MAP2: variants seen among roughly 807,000 people sequenced by gnomAD.
MAP2 encodes microtubule associated protein 2.
A neutral mutation model predicts 137.6 loss-of-function variants in MAP2; 14 were observed. The ratio of observed to expected loss-of-function variants is 0.10; its 90% CI spans 0.07 to 0.16. The LOEUF is 0.16. Among genes scored for constraint, MAP2 ranks in the 10% least tolerant of loss-of-function variants. The pLI, the probability that MAP2 is intolerant of heterozygous loss-of-function variation, is 1.00. For synonymous variants in MAP2, 786 were observed against 782.3 expected (o/e 1.00, Z -0.08); for missense variants, 2,088 against 2,191.5 (o/e 0.95, Z 0.94).
At chr2:209,480,472 C>T (rs1251536710) in intron 1 of MAP2, among the ~76,000 whole-genome samples, 2 of 152,116 alleles carry the variant, frequency 1.3e-5, no homozygotes, top group African/African-American at 4.8e-5. Context: ...TACAAGCTAG[C>T]ATTACTTTAT....
At chr2:209,685,310 A>G (rs1307843609) in intron 7 of MAP2, among the ~76,000 whole-genome samples, 1 of 152,170 alleles carries the variant, frequency 6.6e-6, no homozygotes, top group Non-Finnish European at 1.5e-5. Flanking sequence ...TATTCCATTT[A>G]TTATTTATTT....
intron 1 of MAP2, among the ~76,000 whole-genome samples, chr2:209,466,210 C>T (rs1270102283): frequency 6.6e-6 from 1 of 152,090 alleles, no homozygotes; most frequent in East Asian, 1.9e-4. Flanking sequence ...CTATTAATGC[C>T]TACATTTGTC....
Position 209,476,179 on chromosome 2 carries a change from A to G in MAP2, c.-221-31413A>G, listed in dbSNP as rs575784428. Among the ~76,000 whole-genome samples the G allele has an allele frequency of 3.3e-5, 5 of 152,208 alleles. No homozygotes were observed. In the South Asian group the frequency reaches 8.3e-4, roughly 25 times the overall value. ...TTTAAGCCAAAGCCTTCTCGAGACC[A>G]TGATTGTGGATCCTAGTTTTGGAAA... On this transcript the variant is annotated intron_variant, in intron 1 of 15. Coordinates refer to ENST00000682079, the MANE Select transcript of MAP2 (RefSeq NM_001375505.1).
chr2:209,439,514 G>A (rs1269195762), intron 1 of MAP2, among the ~76,000 whole-genome samples: 1 of 151,392 alleles, frequency 6.6e-6, no homozygotes, highest in African/African-American at 2.4e-5. Context: ...AAGATCTCTT[G>A]AGTTTTTTGT....
chr2:209,567,677 GA>G (rs575467247), intron 2 of MAP2, among the ~76,000 whole-genome samples: 47 of 149,004 alleles, frequency 3.2e-4, no homozygotes, highest in East Asian at 7.9e-4. Context: ...GTAGCAAAAG[GA>G]AAAAAAAAGC....
At position 209,692,634 on chromosome 2, in the gene MAP2, C is replaced by A; in HGVS notation, c.464C>A (p.Thr155Lys). ...AACCCGATTACTTCAGATTTACTTA[C>A]AGCCTCGAAGATGGAGTTCCACGAT... is the stretch of plus-strand genomic sequence containing the variant. The part of the protein sequence containing the change: ...QTVTVEEDLL[T>K]ASKMEFHDQQ... Residue 155 changes from threonine to lysine, a missense_variant, in exon 8 of 16, where the codon ACA (threonine) becomes AAA (lysine). By Grantham distance (78) the Thr-to-Lys change is moderately conservative (BLOSUM62 -1). Transcript: ENST00000682079. The A allele has an allele frequency of 6.4e-7, 1 of 1,572,110 alleles. No individual in the cohort carries two copies. Among genetic ancestry groups the A allele is most frequent in the Non-Finnish European group, 8.6e-7 (1 of 1,164,808 alleles).
intron 7 of MAP2, among the ~76,000 whole-genome samples, chr2:209,682,307 A>G (rs2054965250): frequency 6.6e-6 from 1 of 152,142 alleles, no homozygotes; most frequent in African/African-American, 2.4e-5. Flanking sequence ...CCTGGCCAAC[A>G]TGGTGAAAAC....
chr2:209,455,040 G>A (rs886755330), intron 1 of MAP2, among the ~76,000 whole-genome samples: 2 of 152,096 alleles, frequency 1.3e-5, no homozygotes, highest in African/African-American at 4.8e-5. Context: ...AAGCTCTCTC[G>A]TCTCTTCTTA....
intron 3 of MAP2, 42 bp from the exon 4 acceptor site, chr2:209,625,011 T>C (rs1421685490): frequency 6.6e-6 from 1 of 152,118 alleles, no homozygotes; most frequent in Non-Finnish European, 1.5e-5. Flanking sequence ...TTAATGTATA[T>C]GGATCAGGGA....
At chr2:209,599,306 T>TG (rs2082303043) in intron 3 of MAP2, among the ~76,000 whole-genome samples, 1 of 152,016 alleles carries the variant, frequency 6.6e-6, no homozygotes, top group Admixed American at 6.6e-5. Flanking sequence ...TTTGTTTTTT[T>TG]CTTGTAAATT....
At chr2:209,730,110 G>A in intron 15 of MAP2, 72 bp from the exon 16 acceptor site, 1 of 1,304,054 alleles carries the variant, frequency 7.7e-7, no homozygotes, top group South Asian at 1.2e-5. Context: ...TGTCAGCCCT[G>A]GGAGATGGAG....
intron 2 of MAP2, among the ~76,000 whole-genome samples, chr2:209,528,624 A>C (rs972783511): frequency 6.6e-6 from 1 of 151,964 alleles, no homozygotes; most frequent in Non-Finnish European, 1.5e-5. Flanking sequence ...CTTTCACTGT[A>C]GCTGAAAGAG....
At chr2:209,480,876 C>T (rs1380259088) in intron 1 of MAP2, among the ~76,000 whole-genome samples, 2 of 152,142 alleles carry the variant, frequency 1.3e-5, no homozygotes, top group African/African-American at 4.8e-5. Context: ...TTCTCACTCT[C>T]CATCCCATTG....
chr2:209,448,786 G>A (rs1305180385), intron 1 of MAP2, among the ~76,000 whole-genome samples: 1 of 151,986 alleles, frequency 6.6e-6, no homozygotes, highest in Non-Finnish European at 1.5e-5. Context: ...TCAGATCCAG[G>A]GTCTCTACAT....
At chr2:209,621,621 A>C (rs2091224071) in intron 3 of MAP2, among the ~76,000 whole-genome samples, 1 of 152,122 alleles carries the variant, frequency 6.6e-6, no homozygotes, top group Admixed American at 6.5e-5. Context: ...TGATACTTAC[A>C]ATGTGTTTCG....
At chr2:209,605,207 C>T (rs2084290112) in intron 3 of MAP2, among the ~76,000 whole-genome samples, 1 of 152,138 alleles carries the variant, frequency 6.6e-6, no homozygotes, top group Admixed American at 6.6e-5. Context: ...CAGTGAGACT[C>T]ATTTCACTAT....
intron 1 of MAP2, among the ~76,000 whole-genome samples, chr2:209,435,313 G>A (rs1311586444): frequency 6.6e-6 from 1 of 151,808 alleles, no homozygotes; most frequent in Non-Finnish European, 1.5e-5. Flanking sequence ...CAAATTCAGA[G>A]GAGGGAGTGT....
intron 4 of MAP2, among the ~76,000 whole-genome samples, chr2:209,631,005 CAA>C (rs776266690): frequency 2.1e-4 from 9 of 42,138 alleles, no homozygotes; most frequent in African/African-American, 4.9e-4. Context: ...GAGCTACAAG[CAA>C]AAAAAAAAAA....
intron 3 of MAP2, among the ~76,000 whole-genome samples, chr2:209,599,840 T>C (rs1350206206): frequency 6.6e-6 from 1 of 152,172 alleles, no homozygotes; most frequent in Non-Finnish European, 1.5e-5. Context: ...ATTGGAAATT[T>C]ACCACGCCTC....
Sources: gnomAD v4.1 joint callset for allele counts (sites outside exome capture counted in the v4.1 genomes callset) on GRCh38, gnomAD v4.1.1 for gene constraint, MANE v1.5 for transcripts, NCBI Gene and HGNC (gene_info 2026-07-23, HGNC 2026-07-21) for gene names.